FNIP1: variants seen among roughly 807,000 people sequenced by gnomAD.
The protein encoded by FNIP1 is folliculin interacting protein 1.
Under a neutral mutation model 124.5 loss-of-function variants are expected in FNIP1, and 40 were observed. That is an observed-to-expected ratio of 0.32 (90% CI 0.25 to 0.42). The LOEUF is 0.42. Among genes scored for constraint, FNIP1 ranks in the 10% least tolerant of loss-of-function variants. The probability of loss-of-function intolerance (pLI) is 1.00; values close to 1 mark genes in which losing one functional copy is unlikely to be tolerated. For missense variants in FNIP1, 1,176 were observed against 1,403.7 expected (o/e 0.84, Z 2.59); for synonymous variants, 472 against 470.6 (o/e 1.00, Z -0.04).
intron 1 of FNIP1, among the ~76,000 whole-genome samples, chr5:131,755,037 G>C (rs926038754): frequency 3.9e-5 from 6 of 152,170 alleles, no homozygotes; most frequent in Non-Finnish European, 8.8e-5. Flanking sequence ...ATCTCAGGAG[G>C]GGGAGTAAGT....
chr5:131,646,607 A>G (rs964989776), intron 17 of FNIP1, among the ~76,000 whole-genome samples: 1 of 152,152 alleles, frequency 6.6e-6, no homozygotes, highest in African/African-American at 2.4e-5. Flanking sequence ...CCAACTTCCC[A>G]TTCCTCCTTC....
intron 17 of FNIP1, among the ~76,000 whole-genome samples, chr5:131,646,095 T>A (rs1235667955): frequency 6.6e-5 from 10 of 152,096 alleles, no homozygotes; most frequent in Non-Finnish European, 1.2e-4. Flanking sequence ...CACAGCTCAC[T>A]CCCCAGAAAA....
At chr5:131,732,510 G>GGT (rs1163192294) in intron 2 of FNIP1, among the ~76,000 whole-genome samples, 4 of 152,138 alleles carry the variant, frequency 2.6e-5, no homozygotes, top group Non-Finnish European at 5.9e-5. Flanking sequence ...TTTTGTATAA[G>GGT]GTGTAAGGAA....
intron 17 of FNIP1, 106 bp from the exon 18 acceptor site, chr5:131,644,869 A>T: frequency 9.1e-7 from 1 of 1,095,420 alleles, no homozygotes; most frequent in East Asian, 2.4e-5. Flanking sequence ...TCAACGGTTA[A>T]GGAGCTAGGC....
intron 2 of FNIP1, among the ~76,000 whole-genome samples, chr5:131,733,538 AG>A (rs1483986814): frequency 2.0e-5 from 3 of 152,222 alleles, no homozygotes; most frequent in Non-Finnish European, 4.4e-5. Context: ...TTTAGCATGA[AG>A]GGCTGTTGAA....
At chr5:131,673,032 A>G (rs1767811647) in intron 13 of FNIP1, 108 bp from the exon 14 acceptor site, 2 of 760,890 alleles carry the variant, frequency 2.6e-6, no homozygotes, top group Non-Finnish European at 4.0e-6. Flanking sequence ...GTAATAGTTT[A>G]GGTTTTACTC....
chr5:131,763,717 A>G (rs1430577183), intron 1 of FNIP1, among the ~76,000 whole-genome samples: 5 of 152,196 alleles, frequency 3.3e-5, no homozygotes, highest in African/African-American at 9.7e-5. Flanking sequence ...CCCAAACCAT[A>G]TCAATATTTA....
chr5:131,748,715 A>C (rs979710567), intron 1 of FNIP1, among the ~76,000 whole-genome samples: 11 of 151,544 alleles, frequency 7.3e-5, no homozygotes, highest in Non-Finnish European at 1.5e-4. Context: ...AAAAGAAAAA[A>C]AAAAAAAAAG....
At chr5:131,757,358 G>C (rs922911476) in intron 1 of FNIP1, among the ~76,000 whole-genome samples, 1 of 152,176 alleles carries the variant, frequency 6.6e-6, no homozygotes, top group African/African-American at 2.4e-5. Flanking sequence ...TGCACAAAGT[G>C]ATCTGGAAAG....
intron 16 of FNIP1, 59 bp from the exon 17 acceptor site, chr5:131,647,264 G>T: frequency 1.7e-6 from 2 of 1,204,400 alleles, no homozygotes; most frequent in South Asian, 1.2e-5. Flanking sequence ...TCTCAGTCAT[G>T]GCAAACTCCA....
At chr5:131,684,814 C>T (rs1405002823) in intron 11 of FNIP1, among the ~76,000 whole-genome samples, 1 of 152,116 alleles carries the variant, frequency 6.6e-6, no homozygotes, top group Non-Finnish European at 1.5e-5. Flanking sequence ...AAACTTTTGG[C>T]CTTTGCCACA....
intron 11 of FNIP1, among the ~76,000 whole-genome samples, chr5:131,696,147 T>G (rs2149528211): frequency 1.3e-5 from 2 of 152,314 alleles, no homozygotes; most frequent in South Asian, 4.1e-4. Flanking sequence ...TCAAATTTTG[T>G]GTTTTCACAG....
chr5:131,764,548 G>T (rs569148378), intron 1 of FNIP1, among the ~76,000 whole-genome samples: 1 of 151,968 alleles, frequency 6.6e-6, no homozygotes, highest in Non-Finnish European at 1.5e-5. Context: ...CAAACAGTCT[G>T]TCCATCTCAG....
chr5:131,707,763 T>C (rs1431136961), intron 8 of FNIP1, among the ~76,000 whole-genome samples: 3 of 151,782 alleles, frequency 2.0e-5, no homozygotes, highest in Non-Finnish European at 2.9e-5. Flanking sequence ...ATAACCCTAT[T>C]AGAAAAAAAA....
chr5:131,763,325 A>ACACG (rs562407187), intron 1 of FNIP1, among the ~76,000 whole-genome samples: 1 of 140,608 alleles, frequency 7.1e-6, no homozygotes, highest in Non-Finnish European at 1.6e-5. Context: ...ACACACACAC[A>ACACG]CGACTACAAT....
intron 3 of FNIP1, among the ~76,000 whole-genome samples, chr5:131,724,035 G>A (rs111763109): frequency 1.2e-4 from 18 of 152,260 alleles, no homozygotes; most frequent in Middle Eastern, 3.4e-3. Context: ...CAAAGGACAC[G>A]AACTCATCCT....
chr5:131,773,458 T>A (rs1027338665), intron 1 of FNIP1, among the ~76,000 whole-genome samples: 1 of 152,176 alleles, frequency 6.6e-6, no homozygotes, highest in Non-Finnish European at 1.5e-5. Context: ...GAATTGTAGT[T>A]AGAGATTTCC....
At chr5:131,691,412 G>A (rs1768476599) in intron 11 of FNIP1, among the ~76,000 whole-genome samples, 1 of 152,112 alleles carries the variant, frequency 6.6e-6, no homozygotes. Flanking sequence ...AACGATCTAA[G>A]CTTTAATCTT....
At chr5:131,673,774 G>A (rs1422994005) in intron 13 of FNIP1, among the ~76,000 whole-genome samples, 1 of 152,126 alleles carries the variant, frequency 6.6e-6, no homozygotes, top group Non-Finnish European at 1.5e-5. Flanking sequence ...AGTGGCTCAC[G>A]CTTGTAATTC....
Sources: allele counts gnomAD v4.1 joint callset (sites outside exome capture counted in the v4.1 genomes callset), GRCh38; gene constraint gnomAD v4.1.1; transcripts MANE v1.5; gene names NCBI Gene and HGNC (gene_info 2026-07-23, HGNC 2026-07-21).